The following DAB1 variants were observed in gnomAD, a reference collection of about 807,000 sequenced individuals.
DAB1 encodes disabled homolog 1.
DAB1 carries 15 observed loss-of-function variants against 64.6 expected under a neutral mutation model. The observed-to-expected ratio is 0.23, with a 90% CI of 0.16 to 0.36. The LOEUF (loss-of-function observed/expected upper bound fraction) is 0.36, where lower values mean the gene tolerates loss of function less well. Among genes scored for constraint, DAB1 ranks in the 10% least tolerant of loss-of-function variants. The pLI is 1.00. For synonymous variants in DAB1, 235 were observed against 251.9 expected (o/e 0.93, Z 0.64); for missense variants, 596 against 706.7 (o/e 0.84, Z 1.78).
At chr1:58,071,550 G>A (rs2100572332) in intron 5 of DAB1, 1 of 152,298 alleles carries the variant, frequency 6.6e-6, no homozygotes, top group Admixed American at 6.5e-5. Flanking sequence ...GGTTCACCAG[G>A]TGATGCCAAC....
In DAB1 at chr1:57,270,755, T is replaced by C. The variant is rs1315626628; in HGVS notation, c.67+20209A>G. ...GAGTGGACACTTTCATCTGTGATAC[T>C]GCATTGTGTTGAGGGAGCCTCCCTC... On this transcript the variant is annotated intron_variant, in intron 2 of 14. Coordinates refer to ENST00000371236, the MANE Select transcript of DAB1 (RefSeq NM_001365792.1). Among the ~76,000 whole-genome samples, 3 of 152,216 alleles carry C rather than the reference T, an allele frequency of 2.0e-5. No homozygotes were observed. In the East Asian group the frequency reaches 5.8e-4, roughly 29 times the overall value.
At chr1:57,036,437 C>A (rs1647154532) in intron 9 of DAB1, among the ~76,000 whole-genome samples, 1 of 152,146 alleles carries the variant, frequency 6.6e-6, no homozygotes, top group African/African-American at 2.4e-5. Context: ...TTTGGGGCAA[C>A]CTTTGGAGAC....
chr1:57,895,828 T>C (rs377372342), intron 5 of DAB1, among the ~76,000 whole-genome samples: 33 of 152,284 alleles, frequency 2.2e-4, no homozygotes, highest in African/African-American at 7.0e-4. Flanking sequence ...CAAATATGCA[T>C]ACTGCTGTTT....
At chr1:57,561,257 C>T (rs187167263) in intron 7 of DAB1, among the ~76,000 whole-genome samples, 5 of 152,284 alleles carry the variant, frequency 3.3e-5, no homozygotes, top group South Asian at 2.1e-4. Context: ...ACCATCCAAA[C>T]GTGGACAGCT....
At chr1:57,903,165 T>C (rs1303196949) in intron 5 of DAB1, among the ~76,000 whole-genome samples, 1 of 152,114 alleles carries the variant, frequency 6.6e-6, no homozygotes, top group East Asian at 1.9e-4. Flanking sequence ...GTCCCTCCCA[T>C]GACACGTGGG....
chr1:57,514,551 A>T (rs978884610), intron 7 of DAB1, among the ~76,000 whole-genome samples: 6 of 152,256 alleles, frequency 3.9e-5, no homozygotes, highest in African/African-American at 1.4e-4. Flanking sequence ...AGAGCCTAAA[A>T]CAGTGTCAGG....
At chr1:57,299,896 CA>C (rs1429311597) in intron 1 of DAB1, among the ~76,000 whole-genome samples, 6 of 152,210 alleles carry the variant, frequency 3.9e-5, no homozygotes, top group Admixed American at 3.9e-4. Context: ...GCTGGGCTTA[CA>C]GGAGACCAAA....
At chr1:57,339,878 A>T (rs10159302) in intron 1 of DAB1, among the ~76,000 whole-genome samples, 1 of 152,148 alleles carries the variant, frequency 6.6e-6, no homozygotes, top group Non-Finnish European at 1.5e-5. Context: ...TCAGCAATAG[A>T]TATGTTACTC....
At chr1:57,777,141 CTTTTTT>C (rs71051255) in intron 6 of DAB1, among the ~76,000 whole-genome samples, 10 of 90,404 alleles carry the variant, frequency 1.1e-4, no homozygotes, top group African/African-American at 4.0e-4. Context: ...TTCTGAATTT[CTTTTTT>C]TTTTTTTTTT....
At chr1:57,506,867 C>T (rs78819367) in intron 7 of DAB1, among the ~76,000 whole-genome samples, 201 of 152,308 alleles carry the variant, frequency 1.3e-3, no homozygotes, top group Non-Finnish European at 2.5e-3. Context: ...TGCCAACTCC[C>T]GTAGATTTGA....
chr1:57,947,449 C>G (rs11207132), intron 5 of DAB1, among the ~76,000 whole-genome samples: 61,471 of 151,980 alleles, frequency 0.4, 13,575 homozygotes, highest in Admixed American at 0.51. Context: ...CCTTGTTGCA[C>G]GGGCTGTGAG....
At chr1:57,266,528 C>T (rs1481735319) in intron 2 of DAB1, among the ~76,000 whole-genome samples, 2 of 152,202 alleles carry the variant, frequency 1.3e-5, no homozygotes, top group African/African-American at 4.8e-5. Flanking sequence ...CTCCCAGGTA[C>T]ATTTATCATT....
At chr1:57,969,117 A>G (rs977098363) in intron 5 of DAB1, among the ~76,000 whole-genome samples, 6 of 152,178 alleles carry the variant, frequency 3.9e-5, no homozygotes, top group African/African-American at 1.4e-4. Flanking sequence ...ATTTTCACAT[A>G]ATTAGCAAAA....
chr1:57,974,521 T>G (rs572549008), intron 5 of DAB1, among the ~76,000 whole-genome samples: 13 of 151,992 alleles, frequency 8.6e-5, no homozygotes, highest in African/African-American at 3.1e-4. Context: ...TAGATAGATA[T>G]ATAATACCAA....
chr1:58,207,031 G>A (rs1557695634), intron 4 of DAB1, among the ~76,000 whole-genome samples: 4 of 152,268 alleles, frequency 2.6e-5, no homozygotes, highest in African/African-American at 4.8e-5. Context: ...GAGGATGAAG[G>A]GGCCACATAA....
At chr1:57,641,378 G>GTTTTT (rs1491296848) in intron 7 of DAB1, among the ~76,000 whole-genome samples, 3,647 of 109,080 alleles carry the variant, frequency 0.033, 385 homozygotes, top group African/African-American at 0.083. Flanking sequence ...TTTTTTTGTT[G>GTTTTT]GTTTTTTTTT....
intron 7 of DAB1, among the ~76,000 whole-genome samples, chr1:57,585,025 C>T (rs1030676401): frequency 1.3e-5 from 2 of 152,120 alleles, no homozygotes; most frequent in African/African-American, 4.8e-5. Flanking sequence ...CCAAGGTGGG[C>T]AGATCACAAG....
intron 6 of DAB1, among the ~76,000 whole-genome samples, chr1:57,727,095 C>T (rs369844116): frequency 6.6e-6 from 1 of 152,270 alleles, no homozygotes; most frequent in South Asian, 2.1e-4. Context: ...AGTCAGAGAC[C>T]ATTGAAATAC....
At chr1:57,011,071 T>C (rs1398274286) in intron 13 of DAB1, 74 bp downstream of exon 13, 5 of 1,575,000 alleles carry the variant, frequency 3.2e-6, no homozygotes, top group Admixed American at 3.4e-5. Flanking sequence ...GGCTTCCTCA[T>C]GCATTATCCA....
Sources: allele counts gnomAD v4.1 joint callset (sites outside exome capture counted in the v4.1 genomes callset), GRCh38; gene constraint gnomAD v4.1.1; transcripts MANE v1.5; gene names NCBI Gene and HGNC (gene_info 2026-07-23, HGNC 2026-07-21).